The following CEMIP2 variants were observed in gnomAD, a reference collection of about 807,000 sequenced individuals.
CEMIP2 encodes cell surface hyaluronidase CEMIP2.
Under a neutral mutation model 146.9 loss-of-function variants are expected in CEMIP2, and 79 were observed. The observed-to-expected ratio is 0.54, with a 90% CI of 0.45 to 0.65. The LOEUF (loss-of-function observed/expected upper bound fraction) is 0.65. Ranked by LOEUF, CEMIP2 falls within the 30% of genes least tolerant of loss-of-function variation. The pLI is 0.00. For missense variants in CEMIP2, 1,596 were observed against 1,696.2 expected (o/e 0.94, Z 1.04); for synonymous variants, 601 against 606.3 (o/e 0.99, Z 0.13).
chr9:71,716,675 A>G (rs1823066342), intron 13 of CEMIP2, 123 bp from the exon 14 acceptor site: 1 of 700,824 alleles, frequency 1.4e-6, no homozygotes, highest in Admixed American at 3.3e-5. Flanking sequence ...CTACATGACC[A>G]CACAAAAATT....
intron 4 of CEMIP2, among the ~76,000 whole-genome samples, chr9:71,741,698 G>A: frequency 7.4e-6 from 1 of 135,352 alleles, no homozygotes; most frequent in East Asian, 2.4e-4. Flanking sequence ...GAGTGCAATG[G>A]CGTGATCTCG....
At chr9:71,711,018 G>A (rs2131905975) in intron 16 of CEMIP2, among the ~76,000 whole-genome samples, 1 of 152,270 alleles carries the variant, frequency 6.6e-6, no homozygotes, top group South Asian at 2.1e-4. Context: ...TTTCCCAGGT[G>A]TGGCTGCCTG....
At chr9:71,735,563 G>A (rs1011160524) in intron 5 of CEMIP2, among the ~76,000 whole-genome samples, 1 of 152,138 alleles carries the variant, frequency 6.6e-6, no homozygotes, top group African/African-American at 2.4e-5. Flanking sequence ...AAGGCAGGGG[G>A]ATCACTTGAG....
chr9:71,768,793 TCGCTCTTGTCCCTGGTCGGCGGG>T (rs1824882491), upstream of CEMIP2: 1 of 147,656 alleles, frequency 6.8e-6, no homozygotes, highest in Admixed American at 6.7e-5. Context: ...GTCCCAGGAG[TCGCTCTTGTCCCTGGTCGGCGGG>T]CGCCGCGGCT....
In CEMIP2 at chr9:71,762,503, C is replaced by CAAAAAAAAAAAAAAAA. The variant is rs58090104; in HGVS notation, c.-13+5838_-13+5853dup. On this transcript the variant is annotated intron_variant, in intron 1 of 23. Coordinates refer to ENST00000377044, the MANE Select transcript of CEMIP2 (RefSeq NM_013390.3). ...CAAGACCCCATGCCAGCCCCGTCAC[C>CAAAAAAAAAAAAAAAA]AAAAAAAAAAAAAAAAAAAAAAACT... is the stretch of plus-strand genomic sequence containing the variant. Among the ~76,000 whole-genome samples the CAAAAAAAAAAAAAAAA allele has an allele frequency of 3.6e-4, 29 of 79,732 alleles. 1 individual carries two copies. The highest frequency in any genetic ancestry group is 1.4e-3 in the African/African-American group (27 of 19,348). The allele number at this position is 79,732 out of a possible 152,430, so 52.3% of individuals were successfully genotyped here.
chr9:71,685,634 C>T (rs1822038218), intron 23 of CEMIP2, 109 bp downstream of exon 23: 1 of 934,058 alleles, frequency 1.1e-6, no homozygotes, highest in Admixed American at 2.3e-5. Flanking sequence ...TTAATGATAC[C>T]CACTCCAGCA....
chr9:71,730,106 T>C lies in CEMIP2; in HGVS notation c.1921A>G (p.Thr641Ala), dbSNP rs1390098347. The C allele has an allele frequency of 6.2e-7, 1 of 1,614,074 alleles. No homozygotes were observed. Among genetic ancestry groups the C allele is most frequent in the Non-Finnish European group, 8.5e-7 (1 of 1,180,050 alleles). ...LPTDRNNSMC[T>A]TMRDKVFGNY... ...CCAAACACTTTATCTCGCATGGTGG[T>C]ACACATGGAGTTGTTCCTATCGGTG... Residue 641 changes from threonine to alanine, a missense_variant, in exon 9 of 24, where the codon ACC (threonine) becomes GCC (alanine). Thr to Ala is a moderately conservative substitution (Grantham distance 58). Coordinates refer to ENST00000377044, the MANE Select transcript of CEMIP2 (RefSeq NM_013390.3).
At chr9:71,714,458 A>C (rs1822992656) in intron 15 of CEMIP2, among the ~76,000 whole-genome samples, 1 of 152,102 alleles carries the variant, frequency 6.6e-6, no homozygotes, top group Non-Finnish European at 1.5e-5. Flanking sequence ...TGGGGTTTTG[A>C]GTTAACTTTG....
rs566055783 is a variant in CEMIP2, at chr9:71,733,912, C to T, written c.1393+894G>A. ...AGGCTGCAGTGCAGTGACATGATCT[C>T]AGCTCACTGCGACCTTCGCCTCCTG... is the stretch of plus-strand genomic sequence containing the variant. On this transcript the variant is annotated intron_variant, in intron 6 of 23. Coordinates refer to ENST00000377044, the MANE Select transcript of CEMIP2 (RefSeq NM_013390.3). Among the ~76,000 whole-genome samples the T allele has an allele frequency of 2.0e-5, 3 of 152,058 alleles. No individual in the cohort carries two copies. In the South Asian group the frequency reaches 6.2e-4, roughly 32 times the overall value.
At chr9:71,704,489 T>G in intron 18 of CEMIP2, 106 bp downstream of exon 18, 1 of 1,186,888 alleles carries the variant, frequency 8.4e-7, no homozygotes, top group Non-Finnish European at 1.2e-6. Flanking sequence ...GCAAAGTATG[T>G]AAAATTGGCT....
At chr9:71,726,333 G>C (rs1400939633) in intron 10 of CEMIP2, among the ~76,000 whole-genome samples, 2 of 152,132 alleles carry the variant, frequency 1.3e-5, no homozygotes, top group Admixed American at 6.6e-5. Flanking sequence ...TCAAAAATTA[G>C]ACATAAAAAT....
In CEMIP2 at chr9:71,690,163, C is replaced by T; in HGVS notation, c.3780G>A (p.Thr1260=). The change falls in exon 22 of 24, where the codon ACG becomes ACA. Residue 1260 remains threonine (T), a synonymous_variant. Transcript: ENST00000377044. ...CAGCAAGAGGAAAAACCGTTTTTTC[C>T]GTCAAGCGGAATGGAACGCTGCACG... ...VDPCSVPFRL[T]EKTVFPLADV... 2.5e-6 allele frequency: 4 copies of T among 1,614,028 alleles called. No homozygotes were observed. The highest frequency in any genetic ancestry group is 3.4e-6 in the Non-Finnish European group (4 of 1,179,994).
At chr9:71,724,074 GTT>G (rs1196715448) in intron 11 of CEMIP2, among the ~76,000 whole-genome samples, 1 of 152,132 alleles carries the variant, frequency 6.6e-6, no homozygotes, top group Admixed American at 6.6e-5. Flanking sequence ...AAGGCAGTCA[GTT>G]CACAAGGTCA....
chr9:71,730,821 G>C lies in CEMIP2; in HGVS notation c.1657C>G (p.Leu553Val). The C allele has an allele frequency of 6.2e-7, 1 of 1,614,120 alleles. No homozygotes were observed. Among genetic ancestry groups the C allele is most frequent in the Non-Finnish European group, 8.5e-7 (1 of 1,180,030 alleles). Residue 553 changes from leucine to valine, a missense_variant, in exon 8 of 24, where the codon CTG becomes GTG. Physicochemically the swap from Leu to Val is conservative, Grantham distance 32. Coordinates refer to ENST00000377044, the MANE Select transcript of CEMIP2 (RefSeq NM_013390.3). ...QMGRYPVHFH[L>V]CGDVDYKGGY... is the part of the protein sequence containing the mutation. ...CCTTTATAATCCACGTCACCACACA[G>C]GTGAAAATGAACAGGGTATCGCCCC...
intron 10 of CEMIP2, among the ~76,000 whole-genome samples, chr9:71,727,665 C>T (rs913840634): frequency 2.0e-5 from 3 of 152,154 alleles, no homozygotes; most frequent in Non-Finnish European, 4.4e-5. Context: ...CTTTAAATAG[C>T]CATGATGTAT....
intron 17 of CEMIP2, among the ~76,000 whole-genome samples, chr9:71,705,832 A>T (rs1822718721): frequency 1.3e-5 from 2 of 151,454 alleles, no homozygotes; most frequent in South Asian, 4.2e-4. Flanking sequence ...TATATATAGG[A>T]GGCTGTACAT....
At chr9:71,685,420 G>C in intron 23 of CEMIP2, 27 bp from the exon 24 acceptor site, 1 of 1,285,890 alleles carries the variant, frequency 7.8e-7, no homozygotes, top group Non-Finnish European at 1.0e-6. Flanking sequence ...AAAAGAAAAA[G>C]AAAAAAAATC....
In CEMIP2 at chr9:71,731,363, G is replaced by C. The variant is rs564221978; in HGVS notation, c.1564-449C>G. Among the ~76,000 whole-genome samples the C allele has an allele frequency of 2.6e-5, 4 of 152,208 alleles. No individual in the cohort carries two copies. In the South Asian group the frequency reaches 8.3e-4, roughly 32 times the overall value. On this transcript the variant is annotated intron_variant, in intron 7 of 23. Transcript: ENST00000377044. ...AGTTCTTCTGTGATCCAAAGTTTGA[G>C]CACTCTCAATATATTTAAACACTAG...
At chr9:71,729,983 C>A (rs773964532) in intron 9 of CEMIP2, 65 bp downstream of exon 9, 1 of 1,613,084 alleles carries the variant, frequency 6.2e-7, no homozygotes, top group Middle Eastern at 1.7e-4. Flanking sequence ...AAACTTCCCC[C>A]AAAACCTCTT....
Sources: allele counts gnomAD v4.1 joint callset (sites outside exome capture counted in the v4.1 genomes callset), GRCh38; gene constraint gnomAD v4.1.1; transcripts MANE v1.5; gene names NCBI Gene and HGNC (gene_info 2026-07-23, HGNC 2026-07-21).